Variants in DDHD1 observed in about 807,000 individuals in gnomAD.
DDHD1 encodes the protein phospholipase DDHD1.
Under a neutral mutation model 96.4 loss-of-function variants are expected in DDHD1, and 49 were observed. The ratio of observed to expected loss-of-function variants is 0.51; its 90% confidence interval spans 0.40 to 0.64. The LOEUF is 0.64. Among genes scored for constraint, DDHD1 ranks in the 30% least tolerant of loss-of-function variants. The probability of loss-of-function intolerance (pLI) is 0.00; values close to 1 mark genes in which losing one functional copy is unlikely to be tolerated. For missense variants in DDHD1, 1,106 were observed against 1,161.2 expected, an observed-to-expected ratio of 0.95 and a Z score of 0.69; for synonymous variants, 442 against 446.5, an observed-to-expected ratio of 0.99 and a Z score of 0.13.
At chr14:53,085,739 T>A (rs780233796) in intron 4 of DDHD1, among the ~76,000 whole-genome samples, 1 of 152,146 alleles carries the variant, frequency 6.6e-6, no homozygotes, top group African/African-American at 2.4e-5. Flanking sequence ...GAGCACCTCG[T>A]CTCCTCCAAA....
At chr14:53,067,387 G>C (rs1276203194) in intron 6 of DDHD1, among the ~76,000 whole-genome samples, 1 of 151,574 alleles carries the variant, frequency 6.6e-6, no homozygotes, top group Non-Finnish European at 1.5e-5. Flanking sequence ...TGAACTACCA[G>C]CCTCAAGTGA....
chr14:53,152,116 C>G, intron 1 of DDHD1, 145 bp downstream of exon 1: 6 of 806,628 alleles, frequency 7.4e-6, no homozygotes, highest in South Asian at 4.7e-5. Flanking sequence ...TGCCGACGCT[C>G]CCTGCTCAAT....
chr14:53,076,522 G>C (rs549134538), intron 4 of DDHD1, among the ~76,000 whole-genome samples: 1 of 152,296 alleles, frequency 6.6e-6, no homozygotes, highest in Non-Finnish European at 1.5e-5. Context: ...TGGCAACAAA[G>C]AATTCAGAAT....
chr14:53,105,949 C>T (rs577494884), intron 1 of DDHD1, among the ~76,000 whole-genome samples: 1 of 151,596 alleles, frequency 6.6e-6, no homozygotes, highest in Non-Finnish European at 1.5e-5. Context: ...GGTTCTCTCT[C>T]TCTCTCTCCT....
At chr14:53,062,060 T>A in intron 7 of DDHD1, among the ~76,000 whole-genome samples, 1 of 151,174 alleles carries the variant, frequency 6.6e-6, no homozygotes, top group African/African-American at 2.4e-5. Context: ...AAAAAAAAAT[T>A]TGTTATTTTC....
At position 53,063,068 on chromosome 14, in the gene DDHD1, CATTATGTCATAAGTA is replaced by C. The variant is rs1417071742; in HGVS notation, c.1626_1640del (p.Ile542_Ile546del). The C allele has an allele frequency of 6.2e-7, 1 of 1,614,088 alleles. No homozygotes were observed. The highest frequency in any genetic ancestry group is 8.5e-7 in the Non-Finnish European group (1 of 1,179,996). ...ACAGCCGAACTGGATTCCAGCCAGT[CATTATGTCATAAGTA>C]ATTACACATCCCAAGGAATGTGATA... is the stretch of plus-strand genomic sequence containing the variant. On this transcript the variant is annotated inframe_deletion, in exon 7 of 13. Transcript: ENST00000673822.
intron 2 of DDHD1, among the ~76,000 whole-genome samples, chr14:53,096,793 T>G (rs1328082366): frequency 6.6e-6 from 1 of 151,940 alleles, no homozygotes; most frequent in Non-Finnish European, 1.5e-5. Context: ...AAAACAAAAC[T>G]TTTACTAAAA....
intron 1 of DDHD1, among the ~76,000 whole-genome samples, chr14:53,110,977 G>A (rs539154856): frequency 3.7e-4 from 56 of 152,134 alleles, no homozygotes; most frequent in Non-Finnish European, 6.5e-4. Flanking sequence ...GCGAGAGTCC[G>A]TCTCAAAAAA....
intron 1 of DDHD1, among the ~76,000 whole-genome samples, chr14:53,119,079 G>A (rs112247939): frequency 0.012 from 1,783 of 152,242 alleles, 22 homozygotes; most frequent in Non-Finnish European, 0.021. Context: ...CGAAAGTGAA[G>A]GAGAAATAAA....
chr14:53,093,235 A>T (rs1886586237), intron 3 of DDHD1, 81 bp downstream of exon 3: 1 of 1,418,150 alleles, frequency 7.1e-7, no homozygotes, highest in Non-Finnish European at 9.4e-7. Context: ...CTAAAAACAG[A>T]ATATGAATTG....
chr14:53,041,652 A>G lies in DDHD1; in HGVS notation c.*5116T>C, dbSNP rs1204650345. 1 of 152,068 alleles carries G rather than the reference A, an allele frequency of 6.6e-6. No individual in the cohort carries two copies. The highest frequency in any genetic ancestry group is 2.4e-5 in the African/African-American group (1 of 41,404). The allele number at this position is 152,068 out of a possible 1,614,324, so 9.4% of individuals were successfully genotyped here. A position where few individuals can be genotyped will look rare whatever the true frequency, so the allele number is the denominator to read the frequency against. On this transcript the variant is annotated 3_prime_UTR_variant, in exon 13 of 13. Coordinates refer to ENST00000673822, the MANE Select transcript of DDHD1 (RefSeq NM_001160148.2). ...AGAAAACTAACAAAATATTTCCTGG[A>G]TATCTTATTTTTTTCTTGATTTTCT... is the stretch of plus-strand genomic sequence containing the variant.
At chr14:53,131,225 T>G (rs1017660444) in intron 1 of DDHD1, among the ~76,000 whole-genome samples, 1 of 152,106 alleles carries the variant, frequency 6.6e-6, no homozygotes, top group African/African-American at 2.4e-5. Flanking sequence ...ACTGCTGCCC[T>G]TTTCCCCAGT....
At chr14:53,080,947 G>A (rs1335927728) in intron 4 of DDHD1, among the ~76,000 whole-genome samples, 1 of 152,052 alleles carries the variant, frequency 6.6e-6, no homozygotes, top group Non-Finnish European at 1.5e-5. Flanking sequence ...CCTTGTGTGA[G>A]AAATGGATCC....
chr14:53,152,450 A>G lies in DDHD1; in HGVS notation c.649T>C (p.Ser217Pro), dbSNP rs1891482473. 1.2e-6 allele frequency: 2 copies of G among 1,613,118 alleles called. No individual in the cohort carries two copies. Among genetic ancestry groups the G allele is most frequent in the Non-Finnish European group, 1.7e-6 (2 of 1,179,818 alleles). Residue 217 changes from serine to proline, a missense_variant, in exon 1 of 13, where the codon TCC becomes CCC. By Grantham distance (74) the Ser-to-Pro change is moderately conservative (BLOSUM62 -1). Around this residue, in one of 2 missense-constraint regions of DDHD1, gnomAD observed 456 missense variants for 402.4 expected, o/e 1.13. Transcript: ENST00000673822. ...GAACTGGAGGCTGGGCCCGTGGGGG[A>G]GCACACATGGTCGCCGTCCCGGTCC... ...GGDRDGDHVC[S>P]PTGPASSSGE... is the part of the protein sequence containing the mutation.
chr14:53,058,740 T>C (rs1290004230), intron 8 of DDHD1, 114 bp from the exon 9 acceptor site: 5 of 956,756 alleles, frequency 5.2e-6, no homozygotes, highest in Non-Finnish European at 7.6e-6. Context: ...TCTTTGAGTA[T>C]ATTCGTTTTT....
intron 4 of DDHD1, among the ~76,000 whole-genome samples, chr14:53,080,101 T>C (rs572919374): frequency 5.3e-5 from 8 of 152,236 alleles, no homozygotes; most frequent in Non-Finnish European, 1.0e-4. Flanking sequence ...TGCTCACGCC[T>C]GTAATCCCAG....
chr14:53,136,022 C>T (rs1890214646), intron 1 of DDHD1, among the ~76,000 whole-genome samples: 1 of 152,176 alleles, frequency 6.6e-6, no homozygotes, highest in African/African-American at 2.4e-5. Context: ...GACATTCCAC[C>T]ATTGTAATTT....
At position 53,152,815 on chromosome 14, in the gene DDHD1, T is replaced by G. The variant is rs941823104; in HGVS notation, c.284A>C (p.Glu95Ala). 3 of 1,609,846 alleles carry G rather than the reference T, an allele frequency of 1.9e-6. No homozygotes were observed. ...GTAGTAGCGCAGCGAGGAGCCCGAC[T>G]CGGCGGAGCTGAAGTCATAGTTCTC... is the stretch of plus-strand genomic sequence containing the variant. ...SDENYDFSSA[E>A]SGSSLRYYSE... The change falls in exon 1 of 13, where the codon GAG becomes GCG. Residue 95 changes from glutamate (E) to alanine (A), a missense_variant. Physicochemically the swap from Glu to Ala is moderately radical, Grantham distance 107 (BLOSUM62 -1). Transcript: ENST00000673822.
chr14:53,125,562 G>A lies in DDHD1; in HGVS notation c.839-21706C>T, dbSNP rs572580754. On this transcript the variant is annotated intron_variant, in intron 1 of 12. Coordinates refer to ENST00000673822, the MANE Select transcript of DDHD1 (RefSeq NM_001160148.2). ...CAAAAGAATATGTATTAACATAGTT[G>A]AAACTTTTAATATCAGCACAGTGTC... is the stretch of plus-strand genomic sequence containing the variant. Among the ~76,000 whole-genome samples, 6 of 152,206 alleles carry A rather than the reference G, an allele frequency of 3.9e-5. No homozygotes were observed. The East Asian group carries it at 1.2e-3, about 29-fold the overall frequency.
Sources: allele counts gnomAD v4.1 joint callset (sites outside exome capture counted in the v4.1 genomes callset), GRCh38; gene constraint gnomAD v4.1.1; regional missense constraint gnomAD v4.1.1; transcripts MANE v1.5; gene names NCBI Gene and HGNC (gene_info 2026-07-23, HGNC 2026-07-21).